The following FAF1 variants were observed in gnomAD, a reference collection of about 807,000 sequenced individuals.
FAF1 encodes the protein Fas associated factor 1.
In FAF1, 25 loss-of-function variants were observed where a neutral mutation model predicts 92.5. The observed-to-expected ratio is 0.27, with a 90% confidence interval of 0.20 to 0.38. The LOEUF (loss-of-function observed/expected upper bound fraction) is 0.38. Among genes scored for constraint, FAF1 ranks in the 10% least tolerant of loss-of-function variants. The pLI is 1.00. For synonymous variants in FAF1, 234 were observed against 273.2 expected, an observed-to-expected ratio of 0.86 and a Z score of 1.42; for missense variants, 636 against 793.3, an observed-to-expected ratio of 0.80 and a Z score of 2.38.
intron 4 of FAF1, among the ~76,000 whole-genome samples, chr1:50,785,841 C>T (rs1345186554): frequency 6.6e-6 from 1 of 152,108 alleles, no homozygotes; most frequent in East Asian, 1.9e-4. Flanking sequence ...TATCCACACT[C>T]CCATGGCTGG....
Position 50,959,830 on chromosome 1 carries a change from C to G in FAF1, c.-19G>C. ...ACGCCATGGCGGCCGCCGAGTTCCGCGGCTCCGGGAGCGAAGCGCGCACCT... is the reference window on the plus strand; with the variant it reads ...ACGCCATGGCGGCCGCCGAGTTCCGGGGCTCCGGGAGCGAAGCGCGCACCT... On this transcript the variant is annotated 5_prime_UTR_variant, in exon 1 of 19. Coordinates refer to ENST00000396153, the MANE Select transcript of FAF1 (RefSeq NM_007051.3). The G allele has an allele frequency of 6.5e-7, 1 of 1,549,830 alleles. No individual in the cohort carries two copies. The highest frequency in any genetic ancestry group is 8.7e-7 in the Non-Finnish European group (1 of 1,145,078).
chr1:50,811,705 A>C (rs998074046), intron 2 of FAF1, among the ~76,000 whole-genome samples: 1 of 152,216 alleles, frequency 6.6e-6, no homozygotes, highest in Non-Finnish European at 1.5e-5. Flanking sequence ...ATTAGAAAAG[A>C]CTATTTTAAA....
chr1:50,798,178 T>C (rs974318180), intron 3 of FAF1, among the ~76,000 whole-genome samples: 21 of 152,104 alleles, frequency 1.4e-4, no homozygotes, highest in Admixed American at 1.4e-3. Context: ...TAACTGGCTA[T>C]AATGGCTATT....
chr1:50,562,585 C>T (rs796387458), intron 13 of FAF1, among the ~76,000 whole-genome samples: 10 of 152,322 alleles, frequency 6.6e-5, no homozygotes, highest in African/African-American at 2.2e-4. Context: ...TGTATCATCT[C>T]TTTCAAGTCC....
chr1:50,906,755 C>A (rs1044124055), intron 1 of FAF1, among the ~76,000 whole-genome samples: 1 of 152,182 alleles, frequency 6.6e-6, no homozygotes, highest in Non-Finnish European at 1.5e-5. Flanking sequence ...GCTGAAGTTG[C>A]TTATCAGCTT....
At chr1:50,661,356 T>C (rs922645203) in intron 7 of FAF1, among the ~76,000 whole-genome samples, 3 of 152,210 alleles carry the variant, frequency 2.0e-5, no homozygotes, top group African/African-American at 7.2e-5. Context: ...TTAAAATTTT[T>C]TGAAATCTGG....
chr1:50,629,296 A>C (rs1653653898), intron 8 of FAF1, among the ~76,000 whole-genome samples: 1 of 151,936 alleles, frequency 6.6e-6, no homozygotes, highest in Non-Finnish European at 1.5e-5. Context: ...CAGCCTCCCA[A>C]GTAGCTGAAA....
intron 15 of FAF1, among the ~76,000 whole-genome samples, chr1:50,527,114 C>T (rs1647852227): frequency 6.6e-6 from 1 of 152,164 alleles, no homozygotes; most frequent in Admixed American, 6.5e-5. Flanking sequence ...CCTCGGCCTA[C>T]CAAAGTGCTG....
chr1:50,606,627 G>A (rs541264713), intron 8 of FAF1, among the ~76,000 whole-genome samples: 102 of 150,956 alleles, frequency 6.8e-4, no homozygotes, highest in Non-Finnish European at 1.3e-3. Flanking sequence ...AGCCTCCCGA[G>A]TAGCTGGGAT....
chr1:50,895,543 C>A (rs1644751367), intron 1 of FAF1, among the ~76,000 whole-genome samples: 1 of 152,060 alleles, frequency 6.6e-6, no homozygotes, highest in Non-Finnish European at 1.5e-5. Flanking sequence ...ACCTTGATAG[C>A]AAAACCAAAG....
intron 4 of FAF1, among the ~76,000 whole-genome samples, chr1:50,759,912 G>C (rs1387343422): frequency 6.6e-6 from 1 of 152,174 alleles, no homozygotes; most frequent in Non-Finnish European, 1.5e-5. Context: ...GTGATGATGA[G>C]CATTTTTTCA....
chr1:50,941,255 G>C (rs572438944), intron 1 of FAF1, among the ~76,000 whole-genome samples: 4 of 152,118 alleles, frequency 2.6e-5, no homozygotes, highest in Non-Finnish European at 5.9e-5. Flanking sequence ...TGTTGCCCAG[G>C]CTGGAGTGCA....
chr1:50,774,737 C>T (rs1660893953), intron 4 of FAF1, among the ~76,000 whole-genome samples: 1 of 152,050 alleles, frequency 6.6e-6, no homozygotes, highest in African/African-American at 2.4e-5. Flanking sequence ...AGGTTAAATC[C>T]ATTGCTAGAT....
At chr1:50,497,540 C>CTTTTTTTTTT (rs61258960) in intron 15 of FAF1, among the ~76,000 whole-genome samples, 5 of 100,506 alleles carry the variant, frequency 5.0e-5, no homozygotes, top group African/African-American at 1.8e-4. Flanking sequence ...ATTCAAAACT[C>CTTTTTTTTTT]TTTTTTTTTT....
chr1:50,871,090 C>T (rs1374995469), intron 1 of FAF1, among the ~76,000 whole-genome samples: 3 of 152,146 alleles, frequency 2.0e-5, no homozygotes, highest in East Asian at 1.9e-4. Context: ...TTAAACCAGT[C>T]GAAACTTTTG....
intron 15 of FAF1, among the ~76,000 whole-genome samples, chr1:50,507,638 C>G (rs1010281796): frequency 2.0e-5 from 3 of 152,106 alleles, no homozygotes; most frequent in Non-Finnish European, 2.9e-5. Flanking sequence ...GCTGTTTGAG[C>G]CCAGGAGTTC....
chr1:50,702,135 C>CA (rs1007088838), intron 7 of FAF1, among the ~76,000 whole-genome samples: 7 of 152,176 alleles, frequency 4.6e-5, no homozygotes, highest in African/African-American at 1.4e-4. Flanking sequence ...AACAAAGAAT[C>CA]AGTTTCCAAG....
At chr1:50,499,363 G>GTTT (rs199637214) in intron 15 of FAF1, among the ~76,000 whole-genome samples, 13 of 110,088 alleles carry the variant, frequency 1.2e-4, no homozygotes, top group African/African-American at 2.9e-4. Context: ...TAGCTGTAGG[G>GTTT]TTTTTTTTTT....
At chr1:50,536,838 T>G (rs747499757) in intron 14 of FAF1, among the ~76,000 whole-genome samples, 1 of 152,222 alleles carries the variant, frequency 6.6e-6, no homozygotes, top group Non-Finnish European at 1.5e-5. Flanking sequence ...AAGGATCAAT[T>G]TCCTTTTCTC....
Sources: allele counts gnomAD v4.1 joint callset (sites outside exome capture counted in the v4.1 genomes callset), GRCh38; gene constraint gnomAD v4.1.1; transcripts MANE v1.5; gene names NCBI Gene and HGNC (gene_info 2026-07-23, HGNC 2026-07-21).